PTPRK: variants seen among roughly 807,000 people sequenced by gnomAD.
PTPRK encodes receptor-type tyrosine-protein phosphatase kappa.
A neutral mutation model predicts 178.0 loss-of-function variants in PTPRK; 75 were observed. The ratio of observed to expected loss-of-function variants is 0.42; its 90% CI spans 0.35 to 0.51. PTPRK has a LOEUF of 0.51. Ranked by LOEUF, PTPRK falls within the 20% of genes least tolerant of loss-of-function variation. PTPRK has a pLI of 0.02. For missense variants in PTPRK, 1,441 were observed against 1,797.8 expected, an observed-to-expected ratio of 0.80 and a Z score of 3.59; for synonymous variants, 637 against 620.6, an observed-to-expected ratio of 1.03 and a Z score of -0.39.
At chr6:128,349,790 T>C in intron 2 of PTPRK, among the ~76,000 whole-genome samples, 1 of 152,180 alleles carries the variant, frequency 6.6e-6, no homozygotes. Flanking sequence ...TTTAAGCATT[T>C]AAAATCTATT....
rs1010893691 is a variant in PTPRK at position 128,134,135 on chromosome 6, T to G, written c.1163-44143A>C. ...AACTATATTTGTGAGGAAGGATATA[T>G]TTCCATTTCCATAGTCAAATGCAAC... On this transcript the variant is annotated intron_variant, in intron 7 of 29. Coordinates refer to ENST00000368226, the MANE Select transcript of PTPRK (RefSeq NM_002844.4). Among the ~76,000 whole-genome samples, 4 of 152,184 alleles carry G rather than the reference T, an allele frequency of 2.6e-5. No individual in the cohort carries two copies. The East Asian group carries it at 5.8e-4, about 22-fold the overall frequency.
rs1225173599 is a variant in PTPRK, at chr6:127,998,826, G to C, written c.2573C>G (p.Pro858Arg). The change falls in exon 16 of 30, where the codon CCT becomes CGT. Residue 858 changes from proline to arginine, a missense_variant. By Grantham distance (103) the Pro-to-Arg change is moderately radical (BLOSUM62 -2). Around this residue, in one of 4 missense-constraint regions of PTPRK, gnomAD observed 945 missense variants for 1,080.6 expected, o/e 0.87. Coordinates refer to ENST00000368226, the MANE Select transcript of PTPRK (RefSeq NM_002844.4). The stretch of plus-strand genomic sequence containing the variant: ...TGGATGCAGCTGTCCTGTCTGGTAA[G>C]GGGATTCCGTCCCCTCACAGAGGTA... ...PRYLCEGTESPYQTGQLHPAI... is the reference protein window; with the variant it reads ...PRYLCEGTESRYQTGQLHPAI... The C allele has an allele frequency of 6.2e-7, 1 of 1,610,164 alleles. No individual in the cohort carries two copies. The highest frequency in any genetic ancestry group is 2.2e-5 in the East Asian group (1 of 44,702).
intron 25 of PTPRK, among the ~76,000 whole-genome samples, chr6:127,978,631 A>G (rs999844694): frequency 1.3e-5 from 2 of 152,216 alleles, no homozygotes; most frequent in African/African-American, 2.4e-5. Flanking sequence ...TCTTCTTCCA[A>G]TCAAATGTCT....
intron 2 of PTPRK, 91 bp downstream of exon 2, chr6:128,397,475 C>T: frequency 2.7e-6 from 4 of 1,471,996 alleles, no homozygotes; most frequent in South Asian, 1.2e-5. Context: ...TTATTATAAC[C>T]ATTAAATTAT....
chr6:128,375,912 C>G (rs920757426), intron 2 of PTPRK, among the ~76,000 whole-genome samples: 1 of 152,182 alleles, frequency 6.6e-6, no homozygotes, highest in African/African-American at 2.4e-5. Context: ...TCCTTTGAAT[C>G]CATGTCTCAC....
At chr6:128,314,127 G>T (rs978860046) in intron 3 of PTPRK, among the ~76,000 whole-genome samples, 7 of 152,090 alleles carry the variant, frequency 4.6e-5, no homozygotes, top group African/African-American at 1.4e-4. Flanking sequence ...TTGTCATTCA[G>T]ATCTCCAGGT....
chr6:128,378,289 G>C (rs564579055), intron 2 of PTPRK, among the ~76,000 whole-genome samples: 1 of 151,932 alleles, frequency 6.6e-6, no homozygotes, highest in African/African-American at 2.4e-5. Context: ...CAGAATTTTC[G>C]GATGTTTGAT....
At chr6:128,301,059 T>G (rs1825526145) in intron 3 of PTPRK, among the ~76,000 whole-genome samples, 1 of 152,124 alleles carries the variant, frequency 6.6e-6, no homozygotes, top group Non-Finnish European at 1.5e-5. Flanking sequence ...GACTTGTTTC[T>G]TTGACCCATT....
At chr6:128,152,676 T>C (rs1412869496) in intron 7 of PTPRK, among the ~76,000 whole-genome samples, 2 of 151,878 alleles carry the variant, frequency 1.3e-5, no homozygotes, top group Admixed American at 1.3e-4. Context: ...AGGAAATGGG[T>C]TATCCATTTG....
intron 3 of PTPRK, among the ~76,000 whole-genome samples, chr6:128,308,910 G>A (rs1044216348): frequency 2.6e-5 from 4 of 152,144 alleles, no homozygotes; most frequent in African/African-American, 7.2e-5. Context: ...GACACGTGGT[G>A]TACACCGGAG....
chr6:128,320,815 T>C (rs1474948693), intron 3 of PTPRK, among the ~76,000 whole-genome samples: 2 of 152,082 alleles, frequency 1.3e-5, no homozygotes, highest in East Asian at 3.9e-4. Flanking sequence ...ACCTACCATA[T>C]CATATATGCA....
intron 1 of PTPRK, among the ~76,000 whole-genome samples, chr6:128,514,682 T>C (rs1317291844): frequency 6.6e-6 from 1 of 152,172 alleles, no homozygotes; most frequent in East Asian, 1.9e-4. Context: ...AATAAGCCAC[T>C]TGTAATTTTT....
intron 1 of PTPRK, among the ~76,000 whole-genome samples, chr6:128,468,759 C>G (rs889975923): frequency 6.6e-6 from 1 of 151,962 alleles, no homozygotes; most frequent in Non-Finnish European, 1.5e-5. Context: ...TTTCTCTAAC[C>G]TAACTAGTAT....
At chr6:128,162,884 C>T (rs563474243) in intron 7 of PTPRK, among the ~76,000 whole-genome samples, 12 of 151,360 alleles carry the variant, frequency 7.9e-5, no homozygotes, top group Non-Finnish European at 1.5e-4. Context: ...GAACACTGTG[C>T]CAGTTGTTAC....
chr6:128,459,585 G>T (rs1848781618), intron 1 of PTPRK, among the ~76,000 whole-genome samples: 1 of 152,154 alleles, frequency 6.6e-6, no homozygotes, highest in Non-Finnish European at 1.5e-5. Context: ...GTACTCTATA[G>T]ACTGCAAGAA....
chr6:128,074,910 T>C (rs1783509775), intron 11 of PTPRK, among the ~76,000 whole-genome samples: 1 of 152,058 alleles, frequency 6.6e-6, no homozygotes, highest in East Asian at 1.9e-4. Context: ...AGGCAAAATA[T>C]ATAAAATAAC....
intron 17 of PTPRK, among the ~76,000 whole-genome samples, chr6:127,995,989 T>A (rs961304653): frequency 6.6e-6 from 1 of 152,144 alleles, no homozygotes; most frequent in Non-Finnish European, 1.5e-5. Flanking sequence ...GATTTTGAGC[T>A]ATTCATAAGA....
At chr6:128,213,193 A>T (rs971019116) in intron 6 of PTPRK, among the ~76,000 whole-genome samples, 2 of 152,082 alleles carry the variant, frequency 1.3e-5, no homozygotes, top group Non-Finnish European at 2.9e-5. Flanking sequence ...AAGAACATCT[A>T]GCACTCTTTT....
intron 2 of PTPRK, among the ~76,000 whole-genome samples, chr6:128,382,061 T>G (rs1837988660): frequency 6.8e-6 from 1 of 146,818 alleles, no homozygotes; most frequent in Non-Finnish European, 1.5e-5. Context: ...CACACACCTG[T>G]AGTCCCACTT....
Sources: allele counts gnomAD v4.1 joint callset (sites outside exome capture counted in the v4.1 genomes callset), GRCh38; gene constraint gnomAD v4.1.1; regional missense constraint gnomAD v4.1.1; transcripts MANE v1.5; gene names NCBI Gene and HGNC (gene_info 2026-07-23, HGNC 2026-07-21).